Variants in GRM8 observed in about 807,000 individuals in gnomAD.
The protein encoded by GRM8 is glutamate metabotropic receptor 8.
In GRM8, 47 loss-of-function variants were observed where a neutral mutation model predicts 87.2. The observed-to-expected ratio is 0.54, with a 90% CI of 0.43 to 0.69. The LOEUF (loss-of-function observed/expected upper bound fraction) is 0.69, where lower values mean the gene tolerates loss of function less well. Ranked by LOEUF, GRM8 falls within the 30% of genes least tolerant of loss-of-function variation. The pLI, the probability that GRM8 is intolerant of heterozygous loss-of-function variation, is 0.00. For synonymous variants in GRM8, 396 were observed against 404.5 expected, an observed-to-expected ratio of 0.98 and a Z score of 0.25; for missense variants, 1,019 against 1,139.2, an observed-to-expected ratio of 0.89 and a Z score of 1.52.
At chr7:126,920,136 C>T (rs1200469876) in intron 3 of GRM8, among the ~76,000 whole-genome samples, 2 of 152,156 alleles carry the variant, frequency 1.3e-5, no homozygotes, top group African/African-American at 4.8e-5. Context: ...CTCTCTCTGT[C>T]TCTCTCTGTC....
chr7:127,205,283 A>C (rs542704964), intron 2 of GRM8, among the ~76,000 whole-genome samples: 3 of 152,340 alleles, frequency 2.0e-5, no homozygotes, highest in Admixed American at 2.0e-4. Context: ...TGAACAAAAC[A>C]ACCTCTGGCC....
At chr7:126,742,582 C>T (rs1057007482) in intron 7 of GRM8, among the ~76,000 whole-genome samples, 4 of 151,898 alleles carry the variant, frequency 2.6e-5, no homozygotes, top group Non-Finnish European at 5.9e-5. Context: ...ATCAACCACG[C>T]CAAATATTTT....
chr7:127,243,140 T>C lies in GRM8; in HGVS notation c.65A>G (p.Tyr22Cys), dbSNP rs752651021. Reference sequence around the variant, plus strand: ...TCTTTGCATCATTGTGAGGATCCAGTAGAACTTGGCGGTCAAGAGGAAGAA... The same window carrying C: ...TCTTTGCATCATTGTGAGGATCCAGCAGAACTTGGCGGTCAAGAGGAAGAA... ...PCFFLLTAKF[Y>C]WILTMMQRTH... Residue 22 changes from tyrosine (Y) to cysteine (C), a missense_variant, in exon 2 of 11, where the codon TAC becomes TGC. Transcript: ENST00000339582. The C allele has an allele frequency of 1.9e-6, 3 of 1,613,764 alleles. No homozygotes were observed. Among genetic ancestry groups the C allele is most frequent in the Admixed American group, 1.7e-5 (1 of 60,018 alleles).
chr7:126,910,716 G>A (rs1803192940), intron 3 of GRM8, among the ~76,000 whole-genome samples: 1 of 152,122 alleles, frequency 6.6e-6, no homozygotes, highest in Non-Finnish European at 1.5e-5. Context: ...TCCTCATATT[G>A]ATACAAGAGC....
chr7:126,989,130 A>T (rs1812388589), intron 3 of GRM8, among the ~76,000 whole-genome samples: 2 of 152,192 alleles, frequency 1.3e-5, no homozygotes, highest in South Asian at 4.1e-4. Context: ...CATTATCCTT[A>T]TTAATATTAA....
intron 6 of GRM8, among the ~76,000 whole-genome samples, chr7:126,793,595 C>G (rs1389495155): frequency 6.6e-6 from 1 of 152,132 alleles, no homozygotes; most frequent in Non-Finnish European, 1.5e-5. Flanking sequence ...TCAAAGTTAA[C>G]AAAACAAACA....
chr7:126,766,366 A>G (rs953372171), intron 7 of GRM8, among the ~76,000 whole-genome samples: 1 of 152,152 alleles, frequency 6.6e-6, no homozygotes, highest in African/African-American at 2.4e-5. Context: ...AAAGGAGCAT[A>G]CAAAGAAATG....
chr7:126,961,600 T>G (rs776797340), intron 3 of GRM8, among the ~76,000 whole-genome samples: 30 of 152,178 alleles, frequency 2.0e-4, no homozygotes, highest in Non-Finnish European at 4.0e-4. Flanking sequence ...GCTCTACTCC[T>G]GCCTCACCAC....
At chr7:126,649,600 G>A (rs1190735483) in intron 7 of GRM8, among the ~76,000 whole-genome samples, 1 of 152,084 alleles carries the variant, frequency 6.6e-6, no homozygotes, top group African/African-American at 2.4e-5. Context: ...TACAGATTTT[G>A]GTACCTGGAG....
At chr7:127,153,052 G>T (rs1792506174) in intron 2 of GRM8, among the ~76,000 whole-genome samples, 2 of 152,030 alleles carry the variant, frequency 1.3e-5, no homozygotes, top group Admixed American at 1.3e-4. Flanking sequence ...TTAGTCACAA[G>T]ACCATAACCC....
intron 7 of GRM8, among the ~76,000 whole-genome samples, chr7:126,755,738 G>A (rs1396061096): frequency 7.9e-6 from 1 of 126,552 alleles, no homozygotes; most frequent in African/African-American, 2.6e-5. Context: ...AGCTGGGAGA[G>A]TATGATTTTC....
intron 3 of GRM8, among the ~76,000 whole-genome samples, chr7:127,103,733 A>G (rs6965269): frequency 0.087 from 13,172 of 152,258 alleles, 1,894 homozygotes; most frequent in African/African-American, 0.3. Context: ...AAACTGTGCT[A>G]TTTGCTGATA....
chr7:127,172,771 T>C (rs1004124640), intron 2 of GRM8, among the ~76,000 whole-genome samples: 1 of 152,084 alleles, frequency 6.6e-6, no homozygotes, highest in African/African-American at 2.4e-5. Context: ...ATATTATATA[T>C]TATTCATATA....
chr7:126,921,164 C>T (rs189938758), intron 3 of GRM8, among the ~76,000 whole-genome samples: 239 of 152,152 alleles, frequency 1.6e-3, no homozygotes, highest in African/African-American at 5.6e-3. Context: ...TTATTAATAT[C>T]CTCAGAGACA....
chr7:127,120,120 G>A (rs372831414), intron 2 of GRM8, among the ~76,000 whole-genome samples: 6 of 152,264 alleles, frequency 3.9e-5, no homozygotes, highest in East Asian at 1.9e-4. Context: ...TGGCCAATTG[G>A]CTGGGTTCCA....
intron 3 of GRM8, among the ~76,000 whole-genome samples, chr7:127,046,756 T>C (rs543910117): frequency 6.6e-6 from 1 of 152,358 alleles, no homozygotes; most frequent in East Asian, 1.9e-4. Flanking sequence ...TACTTTCTTC[T>C]TTCTTCTTCC....
At chr7:126,708,418 C>T (rs1810764859) in intron 7 of GRM8, among the ~76,000 whole-genome samples, 1 of 151,954 alleles carries the variant, frequency 6.6e-6, no homozygotes, top group Admixed American at 6.6e-5. Context: ...AAATAGATAT[C>T]TGCACTGTCA....
rs543160152 is a variant in GRM8 at position 126,873,892 on chromosome 7, G to T, written c.1156+28650C>A. On this transcript the variant is annotated intron_variant, in intron 6 of 10. Coordinates refer to ENST00000339582, the MANE Select transcript of GRM8 (RefSeq NM_000845.3). ...GACAGAATTATGTGGACATTCAATTGTTTTTTAAATTTTATATTCTAAGTC... is the reference window on the plus strand; with the variant it reads ...GACAGAATTATGTGGACATTCAATTTTTTTTTAAATTTTATATTCTAAGTC... 2.0e-5 allele frequency among the ~76,000 whole-genome samples: 3 copies of T among 152,090 alleles called. No homozygotes were observed. In the South Asian group the frequency reaches 6.2e-4, roughly 32 times the overall value.
chr7:126,578,265 A>G (rs1307130901), intron 8 of GRM8, among the ~76,000 whole-genome samples: 1 of 152,182 alleles, frequency 6.6e-6, no homozygotes, highest in African/African-American at 2.4e-5. Context: ...AAATAGTAAG[A>G]TGGAAAACAG....
Sources: allele counts gnomAD v4.1 joint callset (sites outside exome capture counted in the v4.1 genomes callset), GRCh38; gene constraint gnomAD v4.1.1; transcripts MANE v1.5; gene names NCBI Gene and HGNC (gene_info 2026-07-23, HGNC 2026-07-21).